Variants in CAMK2A observed in about 807,000 individuals in gnomAD.
CAMK2A encodes calcium/calmodulin-dependent protein kinase type II subunit alpha.
CAMK2A carries 7 observed loss-of-function variants against 79.2 expected under a neutral mutation model. The observed-to-expected ratio is 0.09, with a 90% confidence interval of 0.05 to 0.17. The LOEUF (loss-of-function observed/expected upper bound fraction) is 0.17, where lower values mean the gene tolerates loss of function less well. Among genes scored for constraint, CAMK2A ranks in the 10% least tolerant of loss-of-function variants. The probability of loss-of-function intolerance (pLI) is 1.00; values close to 1 mark genes in which losing one functional copy is unlikely to be tolerated. For synonymous variants in CAMK2A, 242 were observed against 251.7 expected, an observed-to-expected ratio of 0.96 and a Z score of 0.36; for missense variants, 214 against 646.4, an observed-to-expected ratio of 0.33 and a Z score of 7.25.
chr5:150,283,637 CTT>C (rs1424384101), intron 1 of CAMK2A, among the ~76,000 whole-genome samples: 3 of 152,222 alleles, frequency 2.0e-5, no homozygotes, highest in African/African-American at 7.2e-5. Context: ...ATCGAGGTCT[CTT>C]TGCAGCTCAC....
chr5:150,233,117 C>G (rs1011907693), intron 15 of CAMK2A, among the ~76,000 whole-genome samples: 3 of 152,172 alleles, frequency 2.0e-5, no homozygotes, highest in Non-Finnish European at 4.4e-5. Flanking sequence ...CGTCCTGGAG[C>G]CTGGAACAGG....
chr5:150,245,077 G>T (rs1755504843), intron 13 of CAMK2A, 84 bp downstream of exon 13: 2 of 1,374,672 alleles, frequency 1.5e-6, no homozygotes, highest in Non-Finnish European at 2.1e-6. Context: ...CAAGGCCCGG[G>T]TCTTGCTCCA....
At chr5:150,247,733 T>A in intron 12 of CAMK2A, 39 bp downstream of exon 12, 1 of 1,575,392 alleles carries the variant, frequency 6.3e-7, no homozygotes, top group Non-Finnish European at 8.7e-7. Context: ...AACGAACTGG[T>A]GCAGGGCTTA....
At position 150,239,638 on chromosome 5, in the gene CAMK2A, G is replaced by T. The variant is rs969377673; in HGVS notation, c.1017+66C>A. 1.3e-5 allele frequency: 19 copies of T among 1,477,248 alleles called. 1 individual carries two copies. The Admixed American group carries it at 2.3e-4, about 18-fold the overall frequency. The allele number at this position is 1,477,248 out of a possible 1,614,324, so 91.5% of individuals were successfully genotyped here. A position where few individuals can be genotyped will look rare whatever the true frequency, so the allele number is the denominator to read the frequency against. On this transcript the variant is annotated intron_variant, in intron 14 of 18. Coordinates refer to ENST00000671881, the MANE Select transcript of CAMK2A (RefSeq NM_015981.4). The stretch of plus-strand genomic sequence containing the variant: ...CCCAGGTTCCCAGTGCAGCCTGCAG[G>T]AGGGAGGCAGGAGCAAGGGTTCGAG...
At chr5:150,252,174 G>A (rs1044798396) in intron 7 of CAMK2A, 109 bp from the exon 8 acceptor site, 21 of 830,492 alleles carry the variant, frequency 2.5e-5, no homozygotes, top group African/African-American at 3.4e-5. Context: ...TGGAGCTGAG[G>A]AAAACAGCCC....
At chr5:150,225,757 T>C (rs200116482) in intron 17 of CAMK2A, among the ~76,000 whole-genome samples, 1 of 6,112 alleles carries the variant, frequency 1.6e-4, no homozygotes, top group African/African-American at 2.0e-4. Context: ...TTATTATTAT[T>C]TTTTTTAGAT....
chr5:150,273,679 A>G (rs141140728), intron 1 of CAMK2A, among the ~76,000 whole-genome samples: 4 of 152,218 alleles, frequency 2.6e-5, no homozygotes, highest in Non-Finnish European at 5.9e-5. Context: ...TGGACTTTGT[A>G]TAGAGTTCTC....
At chr5:150,288,223 T>A (rs2150314480) in intron 1 of CAMK2A, among the ~76,000 whole-genome samples, 1 of 152,154 alleles carries the variant, frequency 6.6e-6, no homozygotes, top group Non-Finnish European at 1.5e-5. Context: ...CATATGAGCA[T>A]CCTCACACAC....
chr5:150,263,168 G>A (rs1436933282), intron 3 of CAMK2A, among the ~76,000 whole-genome samples: 1 of 152,168 alleles, frequency 6.6e-6, no homozygotes, highest in Non-Finnish European at 1.5e-5. Context: ...TACATGTCCA[G>A]GGTCACACAG....
chr5:150,251,624 C>G (rs1014117004), intron 9 of CAMK2A, 126 bp downstream of exon 9: 4 of 634,292 alleles, frequency 6.3e-6, no homozygotes, highest in Admixed American at 3.4e-5. Context: ...AACCACCTGG[C>G]CCTGGTCAGT....
chr5:150,246,759 T>C (rs1381662604), intron 12 of CAMK2A, among the ~76,000 whole-genome samples: 11 of 152,176 alleles, frequency 7.2e-5, no homozygotes, highest in Non-Finnish European at 1.6e-4. Context: ...AGTTCTAGTA[T>C]CTGCCCACCT....
chr5:150,285,108 C>T (rs1757370416), intron 1 of CAMK2A, among the ~76,000 whole-genome samples: 1 of 152,220 alleles, frequency 6.6e-6, no homozygotes, highest in African/African-American at 2.4e-5. Context: ...CACTGCTCCT[C>T]TTCCCCTGTT....
At chr5:150,280,102 C>T (rs536353178) in intron 1 of CAMK2A, among the ~76,000 whole-genome samples, 1 of 152,324 alleles carries the variant, frequency 6.6e-6, no homozygotes, top group African/African-American at 2.4e-5. Context: ...GCCCTGCTCC[C>T]TTCTGGGGCT....
At chr5:150,255,332 G>T (rs1311490932) in intron 6 of CAMK2A, among the ~76,000 whole-genome samples, 2 of 152,240 alleles carry the variant, frequency 1.3e-5, no homozygotes, top group African/African-American at 2.4e-5. Context: ...AGCCGTGTCT[G>T]CCCAGGACAG....
At chr5:150,273,769 G>C (rs983603568) in intron 1 of CAMK2A, among the ~76,000 whole-genome samples, 1 of 152,192 alleles carries the variant, frequency 6.6e-6, no homozygotes, top group African/African-American at 2.4e-5. Flanking sequence ...TTGTTACTTA[G>C]TATGTAATTG....
At chr5:150,239,365 C>A (rs1755237978) in intron 14 of CAMK2A, among the ~76,000 whole-genome samples, 1 of 152,118 alleles carries the variant, frequency 6.6e-6, no homozygotes, top group Non-Finnish European at 1.5e-5. Context: ...GCGATTGGCA[C>A]AAACCAAGCC....
Position 150,289,542 on chromosome 5 carries a change from GACTTCCTGA to G in CAMK2A, c.62+13_62+21del. ...CCTCCCCGCCCCCCATGCCTTCCAG[GACTTCCTGA>G]GGCACAACTCACTTGCCCAATTCCT... On this transcript the variant is annotated intron_variant, in intron 1 of 18. Coordinates refer to ENST00000671881, the MANE Select transcript of CAMK2A (RefSeq NM_015981.4). The G allele has an allele frequency of 1.2e-6, 2 of 1,607,314 alleles. No homozygotes were observed. The highest frequency in any genetic ancestry group is 2.2e-5 in the South Asian group (2 of 90,922).
intron 18 of CAMK2A, 134 bp downstream of exon 18, chr5:150,222,855 C>T: frequency 1.4e-6 from 2 of 1,383,822 alleles, no homozygotes; most frequent in South Asian, 1.2e-5. Context: ...GGCCTGGCCC[C>T]CTTCTTGGGG....
intron 13 of CAMK2A, among the ~76,000 whole-genome samples, chr5:150,241,794 T>TC (rs1205896286): frequency 6.9e-6 from 1 of 144,978 alleles, no homozygotes; most frequent in Non-Finnish European, 1.5e-5. Context: ...TCTCCTCTCC[T>TC]CCTCCTCTCT....
Sources: gnomAD v4.1 joint callset for allele counts (sites outside exome capture counted in the v4.1 genomes callset) on GRCh38, gnomAD v4.1.1 for gene constraint, MANE v1.5 for transcripts, NCBI Gene and HGNC (gene_info 2026-07-23, HGNC 2026-07-21) for gene names.